Variants in CEP104 observed in about 807,000 individuals in gnomAD.
CEP104 encodes the protein centrosomal protein of 104 kDa.
CEP104 carries 84 observed loss-of-function variants against 113.3 expected under a neutral mutation model. The ratio of observed to expected loss-of-function variants is 0.74; its 90% CI spans 0.62 to 0.89. The LOEUF (loss-of-function observed/expected upper bound fraction) is 0.89. Among genes scored for constraint, CEP104 ranks in the 40% least tolerant of loss-of-function variants. The probability of loss-of-function intolerance (pLI) is 0.00; values close to 1 mark genes in which losing one functional copy is unlikely to be tolerated. For synonymous variants in CEP104, 378 were observed against 421.7 expected (o/e 0.90, Z 1.27); for missense variants, 1,053 against 1,156.6 (o/e 0.91, Z 1.30).
chr1:3,843,394 T>TG, intron 6 of CEP104: 1 of 534,718 alleles, frequency 1.9e-6, no homozygotes, highest in East Asian at 3.1e-5. Flanking sequence ...TTTTTTTTTT[T>TG]GAGACAGGGT....
chr1:3,823,677 C>T lies in CEP104; in HGVS notation c.2365-115G>A. 2.4e-6 allele frequency: 3 copies of T among 1,248,810 alleles called. No homozygotes were observed. Among genetic ancestry groups the T allele is most frequent in the Admixed American group, 1.9e-5 (1 of 51,762 alleles). 77.4% of individuals were successfully genotyped at this position (1,248,810 alleles called of 1,614,324 possible). On this transcript the variant is annotated intron_variant, in intron 18 of 21. Coordinates refer to ENST00000378230, the MANE Select transcript of CEP104 (RefSeq NM_014704.4). This position sits in a 1 kb window ranked among gnomAD's most constrained non-coding sequence, Gnocchi z 4.1. Reference sequence around the variant, plus strand: ...CCCAGGGAGGTCTGTGCCGCCTGCACATGAAGTAAGCCACAGGCTTCTATC... The same window carrying T: ...CCCAGGGAGGTCTGTGCCGCCTGCATATGAAGTAAGCCACAGGCTTCTATC...
chr1:3,815,317 C>A lies in CEP104; in HGVS notation c.*85G>T, dbSNP rs1030605065. On this transcript the variant is annotated 3_prime_UTR_variant, in exon 22 of 22. Transcript: ENST00000378230. ...GACAGCAGCCAGAGCATGGGGCCAC[C>A]AAGGCCAGAGAGTTCTGGAGAGATG... The A allele has an allele frequency of 2.3e-5, 25 of 1,067,976 alleles. No individual in the cohort carries two copies. The highest frequency in any genetic ancestry group is 3.2e-5 in the Non-Finnish European group (23 of 722,682). 66.2% of individuals were successfully genotyped at this position (1,067,976 alleles called of 1,614,324 possible).
chr1:3,820,034 A>T (rs1448030774), intron 20 of CEP104, among the ~76,000 whole-genome samples: 4 of 152,056 alleles, frequency 2.6e-5, no homozygotes, highest in African/African-American at 4.8e-5. Flanking sequence ...GACCCAGGGA[A>T]CCCGTGAGGT....
At chr1:3,850,307 C>A (rs1288302541) in intron 2 of CEP104, among the ~76,000 whole-genome samples, 1 of 152,164 alleles carries the variant, frequency 6.6e-6, no homozygotes, top group African/African-American at 2.4e-5. Context: ...TGAAAAGAAA[C>A]CACACAGCTA....
intron 4 of CEP104, among the ~76,000 whole-genome samples, chr1:3,846,027 C>T (rs189272007): frequency 1.1e-3 from 158 of 142,656 alleles, no homozygotes; most frequent in African/African-American, 3.8e-3. Flanking sequence ...TGCAGTGAGC[C>T]GAGATTGCAC....
chr1:3,833,589 A>G, intron 12 of CEP104: 1 of 328,950 alleles, frequency 3.0e-6, no homozygotes, highest in Non-Finnish European at 5.5e-6. Flanking sequence ...TTCTCTTTTG[A>G]TATCATTTTC....
chr1:3,828,303 C>A (rs764969304), intron 15 of CEP104, among the ~76,000 whole-genome samples: 3 of 152,212 alleles, frequency 2.0e-5, no homozygotes, highest in Non-Finnish European at 2.9e-5. Context: ...CACGAGTCAT[C>A]CACACCACGA....
chr1:3,833,084 G>A (rs10797345), intron 12 of CEP104, among the ~76,000 whole-genome samples: 54,835 of 150,240 alleles, frequency 0.36, 10,646 homozygotes, highest in Admixed American at 0.46. Context: ...TCCCGGGTTC[G>A]ATTCTCCTGC....
rs746707344 is a variant in CEP104, at chr1:3,814,646, G to A, written c.*756C>T. 1 of 152,236 alleles carries A rather than the reference G, an allele frequency of 6.6e-6. No homozygotes were observed. Among genetic ancestry groups the A allele is most frequent in the Non-Finnish European group, 1.5e-5 (1 of 68,048 alleles). 9.4% of individuals were successfully genotyped at this position (152,236 alleles called of 1,614,324 possible). On this transcript the variant is annotated 3_prime_UTR_variant, in exon 22 of 22. Transcript: ENST00000378230. The stretch of plus-strand genomic sequence containing the variant: ...GAAGCGCCTCTGAGCAAAGGCACGG[G>A]AAGGGCCCACACCTGTGTCTACCTC...
Position 3,847,512 on chromosome 1 carries a change from T to C in CEP104, c.389A>G (p.His130Arg). The C allele has an allele frequency of 6.2e-7, 1 of 1,609,812 alleles. No homozygotes were observed. Among genetic ancestry groups the C allele is most frequent in the Non-Finnish European group, 8.5e-7 (1 of 1,178,610 alleles). ...GTTGTATTTGTTGACATGGTTTTGG[T>C]GAAAAATCAGTTTAAGAAATTGTCC... ...AVGQFLKLIF[H>R]QNHVNKYNIY... Residue 130 changes from histidine to arginine, a missense_variant, in exon 4 of 22, where the codon CAC (histidine) becomes CGC (arginine). By Grantham distance (29) the His-to-Arg change is conservative. Coordinates refer to ENST00000378230, the MANE Select transcript of CEP104 (RefSeq NM_014704.4).
chr1:3,834,249 CCCCATCT>C (rs1644269662), intron 11 of CEP104, among the ~76,000 whole-genome samples: 1 of 152,232 alleles, frequency 6.6e-6, no homozygotes, highest in East Asian at 1.9e-4. Flanking sequence ...AGAAATCACT[CCCCATCT>C]TCCCTTCATA....
chr1:3,845,384 T>C lies in CEP104; in HGVS notation c.427-33A>G, dbSNP rs369427965. 4.1e-5 allele frequency: 60 copies of C among 1,446,582 alleles called. 1 individual carries two copies. Among genetic ancestry groups the C allele is most frequent in the South Asian group, 3.1e-4 (26 of 84,684 alleles). The allele number at this position is 1,446,582 out of a possible 1,614,324, so 89.6% of individuals were successfully genotyped here. ...AGTGTTAAAATAACAGAATTAAATATACAATGTTTGAAATGACTTAACCCT... is the reference window on the plus strand; with the variant it reads ...AGTGTTAAAATAACAGAATTAAATACACAATGTTTGAAATGACTTAACCCT... On this transcript the variant is annotated intron_variant, in intron 4 of 21. Coordinates refer to ENST00000378230, the MANE Select transcript of CEP104 (RefSeq NM_014704.4).
In CEP104 at chr1:3,823,897, T is replaced by A. The variant is rs1027915287; in HGVS notation, c.2365-335A>T. ...GTTACAGTGTGGCCCAAGGTTGAAA[T>A]TGTGGCTCCCCACTATTTCTAAGAA... On this transcript the variant is annotated intron_variant, in intron 18 of 21. Coordinates refer to ENST00000378230, the MANE Select transcript of CEP104 (RefSeq NM_014704.4). The surrounding 1 kb of genome is among the most constrained non-coding windows in gnomAD (Gnocchi z 4.1). Among the ~76,000 whole-genome samples the A allele has an allele frequency of 1.3e-5, 2 of 152,060 alleles. No individual in the cohort carries two copies. Among genetic ancestry groups the A allele is most frequent in the African/African-American group, 2.4e-5 (1 of 41,404 alleles).
intron 12 of CEP104, among the ~76,000 whole-genome samples, chr1:3,833,055 G>A (rs551243310): frequency 1.4e-3 from 213 of 150,210 alleles, no homozygotes; most frequent in African/African-American, 4.8e-3. Context: ...CGTGATCTCG[G>A]CTCACTGAAA....
Position 3,815,221 on chromosome 1 carries a change from C to T in CEP104, c.*181G>A, listed in dbSNP as rs1365767977. On this transcript the variant is annotated 3_prime_UTR_variant, in exon 22 of 22. Transcript: ENST00000378230. ...CACTGCACGCAGGATCTTTGGTTAG[C>T]TGCATCCATATCGTTTGCACGAGAG... 3.4e-6 allele frequency: 2 copies of T among 596,590 alleles called. No individual in the cohort carries two copies. Among genetic ancestry groups the T allele is most frequent in the Non-Finnish European group, 6.0e-6 (2 of 332,096 alleles). 37.0% of individuals were successfully genotyped at this position (596,590 alleles called of 1,614,324 possible). A position where few individuals can be genotyped will look rare whatever the true frequency, so the allele number is the denominator to read the frequency against.
chr1:3,845,878 G>A lies in CEP104; in HGVS notation c.427-527C>T, dbSNP rs181908366. On this transcript the variant is annotated intron_variant, in intron 4 of 21. Transcript: ENST00000378230. ...CAAGGTGGAAGGATCACCTGAAGTC[G>A]GGAGTTTGAGACCAGCCTGACCAAC... 5.3e-5 allele frequency among the ~76,000 whole-genome samples: 8 copies of A among 152,058 alleles called. No homozygotes were observed. The East Asian group carries it at 9.7e-4, about 18-fold the overall frequency.
chr1:3,833,548 G>C, intron 12 of CEP104: 1 of 258,480 alleles, frequency 3.9e-6, no homozygotes, highest in Non-Finnish European at 7.4e-6. Flanking sequence ...TATTAAGACA[G>C]TTATATTTTT....
intron 2 of CEP104, among the ~76,000 whole-genome samples, chr1:3,851,139 G>A (rs1557694657): frequency 6.6e-6 from 1 of 152,062 alleles, no homozygotes; most frequent in Non-Finnish European, 1.5e-5. Flanking sequence ...CCACGGCCTG[G>A]GCAGTATCAG....
Position 3,823,629 on chromosome 1 carries a change from A to G in CEP104, c.2365-67T>C, listed in dbSNP as rs1644025619. The G allele has an allele frequency of 1.2e-6, 2 of 1,601,408 alleles. No homozygotes were observed. Among genetic ancestry groups the G allele is most frequent in the African/African-American group, 2.7e-5 (2 of 74,734 alleles). ...CGGCAGCGCCCTCCAGCCAGCCTGCAGAGCCTGTGAGCGCCTCCCCTGCCC... is the reference window on the plus strand; with the variant it reads ...CGGCAGCGCCCTCCAGCCAGCCTGCGGAGCCTGTGAGCGCCTCCCCTGCCC... On this transcript the variant is annotated intron_variant, in intron 18 of 21. Coordinates refer to ENST00000378230, the MANE Select transcript of CEP104 (RefSeq NM_014704.4). This position sits in a 1 kb window ranked among gnomAD's most constrained non-coding sequence, Gnocchi z 4.1.
Sources: gnomAD v4.1 joint callset for allele counts (sites outside exome capture counted in the v4.1 genomes callset) on GRCh38, gnomAD v4.1.1 for gene constraint, Gnocchi (gnomAD v3.1) non-coding constraint, MANE v1.5 for transcripts, NCBI Gene and HGNC (gene_info 2026-07-23, HGNC 2026-07-21) for gene names.